ERC2: variants seen among roughly 807,000 people sequenced by gnomAD.
ERC2 encodes the protein ERC protein 2.
In ERC2, 42 loss-of-function variants were observed where a neutral mutation model predicts 114.8. The observed-to-expected ratio is 0.37, with a 90% CI of 0.29 to 0.47. ERC2 has a LOEUF of 0.47. Among genes scored for constraint, ERC2 ranks in the 20% least tolerant of loss-of-function variants. The pLI, the probability that ERC2 is intolerant of heterozygous loss-of-function variation, is 0.99. For synonymous variants in ERC2, 454 were observed against 425.5 expected (o/e 1.07, Z -0.82); for missense variants, 939 against 1,150.7 (o/e 0.82, Z 2.66).
At chr3:56,319,282 T>A (rs188937787) in intron 2 of ERC2, among the ~76,000 whole-genome samples, 2 of 151,114 alleles carry the variant, frequency 1.3e-5, no homozygotes, top group African/African-American at 4.9e-5. Flanking sequence ...ATGTGGTATA[T>A]ACACACAACA....
At chr3:55,690,540 T>A (rs1227282572) in intron 16 of ERC2, among the ~76,000 whole-genome samples, 1 of 152,080 alleles carries the variant, frequency 6.6e-6, no homozygotes, top group Non-Finnish European at 1.5e-5. Flanking sequence ...GCAGGCTATG[T>A]CTGAAAAACC....
intron 13 of ERC2, among the ~76,000 whole-genome samples, chr3:55,947,437 T>G (rs886913609): frequency 6.6e-6 from 1 of 152,264 alleles, no homozygotes; most frequent in Non-Finnish European, 1.5e-5. Context: ...TTTGTCTTTG[T>G]GAGTCAAGTG....
At chr3:56,104,133 C>G (rs1284874426) in intron 6 of ERC2, among the ~76,000 whole-genome samples, 1 of 152,082 alleles carries the variant, frequency 6.6e-6, no homozygotes, top group Admixed American at 6.6e-5. Context: ...AATGTTACTA[C>G]AGACTGCTAT....
At chr3:55,545,355 G>A (rs1399337268) in intron 17 of ERC2, among the ~76,000 whole-genome samples, 1 of 152,190 alleles carries the variant, frequency 6.6e-6, no homozygotes, top group Non-Finnish European at 1.5e-5. Context: ...CAGAAGGATG[G>A]AGTGGTAAGA....
chr3:56,218,978 G>A (rs374019707), intron 3 of ERC2, among the ~76,000 whole-genome samples: 37 of 152,156 alleles, frequency 2.4e-4, no homozygotes, highest in African/African-American at 6.5e-4. Context: ...ATCACACACC[G>A]GGGCCTGTTG....
At chr3:55,770,669 T>G (rs373075784) in intron 14 of ERC2, among the ~76,000 whole-genome samples, 3 of 152,266 alleles carry the variant, frequency 2.0e-5, no homozygotes, top group African/African-American at 7.2e-5. Context: ...GTGCAGAATG[T>G]GCAGGTTTGT....
intron 3 of ERC2, among the ~76,000 whole-genome samples, chr3:56,183,214 C>T (rs188621992): frequency 6.6e-6 from 1 of 152,290 alleles, no homozygotes; most frequent in East Asian, 1.9e-4. Flanking sequence ...ATACAGGCTA[C>T]ATTCTTTGTC....
rs146479934 is a variant in ERC2, at chr3:56,208,370, A to T, written c.1075-34850T>A. Among the ~76,000 whole-genome samples the T allele has an allele frequency of 4.9e-3, 750 of 152,344 alleles. 3 individuals are homozygous for T. Among genetic ancestry groups the T allele is most frequent in the Non-Finnish European group, 7.1e-3 (486 of 68,032 alleles). Reference sequence around the variant, plus strand: ...TAAGCTTTTTGCTCTCAATTTAGACAAAGTTCATTCTAGCTTTGCTCTTGC... The same window carrying T: ...TAAGCTTTTTGCTCTCAATTTAGACTAAGTTCATTCTAGCTTTGCTCTTGC... On this transcript the variant is annotated intron_variant, in intron 3 of 17. Transcript: ENST00000288221.
At chr3:55,580,509 C>A (rs2057208780) in intron 17 of ERC2, among the ~76,000 whole-genome samples, 1 of 152,114 alleles carries the variant, frequency 6.6e-6, no homozygotes, top group Admixed American at 6.6e-5. Flanking sequence ...CCACAAGAGC[C>A]CTGAAATCAT....
intron 3 of ERC2, among the ~76,000 whole-genome samples, chr3:56,291,710 T>A (rs146977185): frequency 0.014 from 2,098 of 152,252 alleles, 16 homozygotes; most frequent in South Asian, 0.023. Flanking sequence ...AAGTACATTT[T>A]AAATCTTGTT....
intron 7 of ERC2, among the ~76,000 whole-genome samples, chr3:56,049,442 G>C (rs938239414): frequency 6.6e-6 from 1 of 152,186 alleles, no homozygotes; most frequent in Non-Finnish European, 1.5e-5. Context: ...AATACTGAGT[G>C]TCAACTTGAT....
At chr3:56,392,806 T>A (rs142658090) in intron 2 of ERC2, among the ~76,000 whole-genome samples, 49 of 152,280 alleles carry the variant, frequency 3.2e-4, no homozygotes, top group Middle Eastern at 3.4e-3. Context: ...ACCTCATAGT[T>A]CTAACCCTCT....
At chr3:55,983,821 C>T (rs1224451202) in intron 12 of ERC2, among the ~76,000 whole-genome samples, 1 of 152,128 alleles carries the variant, frequency 6.6e-6, no homozygotes, top group Non-Finnish European at 1.5e-5. Flanking sequence ...ATATGTATCT[C>T]AACTGTATGC....
At chr3:56,051,452 C>A (rs916687462) in intron 7 of ERC2, among the ~76,000 whole-genome samples, 8 of 152,050 alleles carry the variant, frequency 5.3e-5, no homozygotes, top group Non-Finnish European at 8.8e-5. Context: ...AGGGAGACAA[C>A]CTTTGGTCAC....
intron 1 of ERC2, among the ~76,000 whole-genome samples, chr3:56,448,115 A>G (rs1320025426): frequency 6.6e-6 from 1 of 152,206 alleles, no homozygotes; most frequent in African/African-American, 2.4e-5. Context: ...GAACATTATC[A>G]GCATCCCCAA....
intron 14 of ERC2, among the ~76,000 whole-genome samples, chr3:55,855,655 G>A (rs1349778191): frequency 6.6e-6 from 1 of 152,098 alleles, no homozygotes; most frequent in Non-Finnish European, 1.5e-5. Context: ...AAGAAAAACA[G>A]AATCAAACAG....
At chr3:55,848,482 C>T (rs2061452555) in intron 14 of ERC2, among the ~76,000 whole-genome samples, 1 of 152,154 alleles carries the variant, frequency 6.6e-6, no homozygotes, top group Admixed American at 6.5e-5. Context: ...AAAAGCCTTC[C>T]ATGTTTCCCT....
chr3:56,444,503 T>G (rs771141809), intron 1 of ERC2, among the ~76,000 whole-genome samples: 1 of 152,206 alleles, frequency 6.6e-6, no homozygotes, highest in African/African-American at 2.4e-5. Flanking sequence ...AAAGATGGCT[T>G]TATGAACCTA....
chr3:56,245,097 T>A (rs901609125), intron 3 of ERC2, among the ~76,000 whole-genome samples: 1 of 152,092 alleles, frequency 6.6e-6, no homozygotes, highest in African/African-American at 2.4e-5. Flanking sequence ...GTATACTCTA[T>A]GGACATTCAC....
Sources: allele counts gnomAD v4.1 joint callset (sites outside exome capture counted in the v4.1 genomes callset), GRCh38; gene constraint gnomAD v4.1.1; transcripts MANE v1.5; gene names NCBI Gene and HGNC (gene_info 2026-07-23, HGNC 2026-07-21).